Variants in PDE6C observed in about 807,000 individuals in gnomAD.
PDE6C encodes phosphodiesterase 6C.
PDE6C carries 75 observed loss-of-function variants against 113.1 expected under a neutral mutation model. The ratio of observed to expected loss-of-function variants is 0.66; its 90% CI spans 0.55 to 0.80. The LOEUF (loss-of-function observed/expected upper bound fraction) is 0.80. Among genes scored for constraint, PDE6C ranks in the 30% least tolerant of loss-of-function variants. PDE6C has a pLI of 0.00. For synonymous variants in PDE6C, 375 were observed against 363.7 expected, an observed-to-expected ratio of 1.03 and a Z score of -0.35; for missense variants, 912 against 1,038.6, an observed-to-expected ratio of 0.88 and a Z score of 1.67.
At chr10:93,658,223 AAAG>A (rs1205259346) in intron 16 of PDE6C, among the ~76,000 whole-genome samples, 1 of 150,632 alleles carries the variant, frequency 6.6e-6, no homozygotes, top group Non-Finnish European at 1.5e-5. Flanking sequence ...AGAAAGAAAG[AAAG>A]AAAAAGAAAA....
chr10:93,624,008 T>TTA (rs1564796954), intron 4 of PDE6C, among the ~76,000 whole-genome samples: 4 of 151,912 alleles, frequency 2.6e-5, no homozygotes, highest in African/African-American at 7.2e-5. Context: ...ATATATTTTT[T>TTA]TATATATATA....
chr10:93,618,249 C>T (rs981600127), intron 1 of PDE6C, among the ~76,000 whole-genome samples: 4 of 152,142 alleles, frequency 2.6e-5, no homozygotes, highest in Admixed American at 2.6e-4. Context: ...CTAAGTTTCT[C>T]TTCCTAGTAC....
At chr10:93,625,781 G>C (rs1270126199) in intron 5 of PDE6C, 132 bp downstream of exon 5, 2 of 694,286 alleles carry the variant, frequency 2.9e-6, no homozygotes, top group African/African-American at 3.5e-5. Context: ...AGGAGTTTGA[G>C]GTTCTAGTCC....
At chr10:93,665,274 T>C in intron 21 of PDE6C, 86 bp from the exon 22 acceptor site, 2 of 1,008,908 alleles carry the variant, frequency 2.0e-6, no homozygotes, top group Non-Finnish European at 3.2e-6. Context: ...GTCTACAAAG[T>C]TGACACTACT....
chr10:93,659,617 C>T (rs551839078), intron 18 of PDE6C, among the ~76,000 whole-genome samples: 4 of 152,222 alleles, frequency 2.6e-5, no homozygotes, highest in South Asian at 2.1e-4. Context: ...CAAGAGAGAG[C>T]GTGTGCAGGG....
At chr10:93,622,459 C>T (rs1416356651) in intron 4 of PDE6C, among the ~76,000 whole-genome samples, 1 of 151,944 alleles carries the variant, frequency 6.6e-6, no homozygotes, top group East Asian at 1.9e-4. Flanking sequence ...TTATTATTAA[C>T]TAAAGTCCAT....
intron 8 of PDE6C, among the ~76,000 whole-genome samples, chr10:93,631,638 CAGCGGACT>C (rs2058502213): frequency 6.6e-6 from 1 of 152,244 alleles, no homozygotes; most frequent in African/African-American, 2.4e-5. Context: ...TCATTCCGCA[CAGCGGACT>C]AGGACGGGTG....
At chr10:93,645,300 A>G (rs1211618745) in intron 14 of PDE6C, among the ~76,000 whole-genome samples, 2 of 152,316 alleles carry the variant, frequency 1.3e-5, no homozygotes, top group Non-Finnish European at 2.9e-5. Context: ...CTCCCAGCCT[A>G]AAGTTTTGTT....
chr10:93,643,789 A>G (rs2058570576), intron 14 of PDE6C, among the ~76,000 whole-genome samples: 1 of 151,902 alleles, frequency 6.6e-6, no homozygotes, highest in Non-Finnish European at 1.5e-5. Context: ...ATTAAGAATT[A>G]GGAGGACATT....
chr10:93,662,175 T>A (rs369312766), intron 19 of PDE6C, 42 bp downstream of exon 19: 3 of 1,347,918 alleles, frequency 2.2e-6, no homozygotes, highest in Non-Finnish European at 3.2e-6. Flanking sequence ...TTAAAAGTTA[T>A]CAGGACAGGC....
chr10:93,651,897 C>T (rs190830898), intron 15 of PDE6C, among the ~76,000 whole-genome samples: 83 of 152,242 alleles, frequency 5.5e-4, no homozygotes, highest in African/African-American at 1.9e-3. Flanking sequence ...GAAAGGAATT[C>T]CTTGCTTCTC....
intron 5 of PDE6C, among the ~76,000 whole-genome samples, chr10:93,626,064 A>G (rs933566364): frequency 1.2e-4 from 19 of 152,194 alleles, no homozygotes; most frequent in Non-Finnish European, 2.5e-4. Flanking sequence ...CATAGCACAC[A>G]GGAAAGAGAA....
intron 14 of PDE6C, among the ~76,000 whole-genome samples, chr10:93,642,991 C>T (rs2134614221): frequency 6.6e-6 from 1 of 152,262 alleles, no homozygotes; most frequent in East Asian, 1.9e-4. Context: ...CCTCGTCCTC[C>T]TTCTTGATCA....
At chr10:93,635,326 A>G (rs1041211771) in intron 9 of PDE6C, among the ~76,000 whole-genome samples, 171 bp from the exon 10 acceptor site, 1 of 152,136 alleles carries the variant, frequency 6.6e-6, no homozygotes, top group Non-Finnish European at 1.5e-5. Context: ...GCAATAATTC[A>G]GCCAGTTTTA....
In PDE6C at chr10:93,612,844, G is replaced by A. The variant is rs199691209; in HGVS notation, c.119G>A (p.Ser40Asn). The A allele has an allele frequency of 6.2e-7, 1 of 1,614,178 alleles. No homozygotes were observed. Among genetic ancestry groups the A allele is most frequent in the African/African-American group, 1.3e-5 (1 of 75,056 alleles). ...GTGCTGGGAGAAATCTTCAAGAACA[G>A]CCAGGTGCCAGTCCAGTCCAGCATG... ...VEVLGEIFKN[S>N]QVPVQSSMSF... The change falls in exon 1 of 22, where the codon AGC (serine) becomes AAC (asparagine). Residue 40 changes from serine to asparagine, a missense_variant. Transcript: ENST00000371447.
In PDE6C at chr10:93,622,053, T is replaced by A; in HGVS notation, c.845T>A (p.Leu282Gln). 1 of 1,614,080 alleles carries A rather than the reference T, an allele frequency of 6.2e-7. No homozygotes were observed. Among genetic ancestry groups the A allele is most frequent in the Non-Finnish European group, 8.5e-7 (1 of 1,179,998 alleles). The change falls in exon 4 of 22, where the codon CTG (leucine) becomes CAG (glutamine). Residue 282 changes from leucine (L) to glutamine (Q), a missense_variant. Transcript: ENST00000371447. ...LNCERYSIGL[L>Q]DMTKEKEFYD... ...TGTGAACGATACTCCATTGGACTGC[T>A]GGACATGACCAAGGAGAAGGTTCTT...
intron 11 of PDE6C, 106 bp from the exon 12 acceptor site, chr10:93,639,964 T>G: frequency 8.8e-7 from 1 of 1,141,806 alleles, no homozygotes; most frequent in Non-Finnish European, 1.3e-6. Flanking sequence ...GAATCACACA[T>G]TGTGTTCTTT....
chr10:93,622,639 GTTTTTTTTTTGTT>G lies in PDE6C; in HGVS notation c.864+577_864+589del, dbSNP rs1457861516. On this transcript the variant is annotated intron_variant, in intron 4 of 21. Transcript: ENST00000371447. ...CCTTCCAAACTCCTGGTAGCCACAGGTTTTTTTTTTGTTTTTTTTTTTGTTGTTTTTTTTTTTT... is the reference window on the plus strand; with the variant it reads ...CCTTCCAAACTCCTGGTAGCCACAGGTTTTTTTTTGTTGTTTTTTTTTTTT... Among the ~76,000 whole-genome samples, 3 of 113,992 alleles carry G rather than the reference GTTTTTTTTTTGTT, an allele frequency of 2.6e-5. No individual in the cohort carries two copies. In the East Asian group the frequency reaches 8.0e-4, roughly 31 times the overall value. The allele number at this position is 113,992 out of a possible 152,430, so 74.8% of individuals were successfully genotyped here.
Position 93,637,980 on chromosome 10 carries a change from G to A in PDE6C, c.1482+917G>A, listed in dbSNP as rs182788158. Among the ~76,000 whole-genome samples the A allele has an allele frequency of 1.2e-3, 186 of 152,242 alleles. 5 individuals are homozygous for A. The highest frequency in any genetic ancestry group is 8.3e-3 in the Admixed American group (127 of 15,292). On this transcript the variant is annotated intron_variant, in intron 11 of 21. Coordinates refer to ENST00000371447, the MANE Select transcript of PDE6C (RefSeq NM_006204.4). ...GAGAGAATTGTTTTAGATTTCATTTGGAATGATCTTTTTTGGCTTTATTCC... is the reference window on the plus strand; with the variant it reads ...GAGAGAATTGTTTTAGATTTCATTTAGAATGATCTTTTTTGGCTTTATTCC...
Sources: allele counts gnomAD v4.1 joint callset (sites outside exome capture counted in the v4.1 genomes callset), GRCh38; gene constraint gnomAD v4.1.1; transcripts MANE v1.5; gene names NCBI Gene and HGNC (gene_info 2026-07-23, HGNC 2026-07-21).